The following ESCO2 variants were observed in gnomAD, a reference collection of about 807,000 sequenced individuals.
ESCO2 encodes the protein establishment of sister chromatid cohesion N-acetyltransferase 2, also known as N-acetyltransferase ESCO2.
In ESCO2, 51 loss-of-function variants were observed where a neutral mutation model predicts 61.7. That is an observed-to-expected ratio of 0.83 (90% CI 0.66 to 1.04). The LOEUF is 1.04. ESCO2 is among the 50% of genes least tolerant of loss of function. The pLI is 0.00. For missense variants in ESCO2, 692 were observed against 686.2 expected (o/e 1.01, Z -0.09); for synonymous variants, 230 against 238.2 (o/e 0.97, Z 0.32).
At chr8:27,801,549 TTGGTA>T (rs1468534863) in intron 10 of ESCO2, among the ~76,000 whole-genome samples, 2 of 152,152 alleles carry the variant, frequency 1.3e-5, no homozygotes, top group East Asian at 3.8e-4. Flanking sequence ...ATATATAAAT[TTGGTA>T]TGAGGAATAC....
chr8:27,795,883 T>C (rs1805285380), intron 9 of ESCO2, among the ~76,000 whole-genome samples: 1 of 152,206 alleles, frequency 6.6e-6, no homozygotes, highest in African/African-American at 2.4e-5. Flanking sequence ...CTAGTTTGCA[T>C]CTGTTTATCA....
downstream of ESCO2, among the ~76,000 whole-genome samples, chr8:27,813,565 A>T (rs184929131): frequency 0.013 from 1,978 of 151,232 alleles, 43 homozygotes; most frequent in African/African-American, 0.046. Context: ...ATATGTAAAC[A>T]CTGACCTCAT....
chr8:27,788,879 G>T lies in ESCO2; in HGVS notation c.1164G>T (p.Val388=). ...GTCAGAAACATTTTGGGGCTACTGTGTGCAAGTCTTGTGGTATGATATATA... is the reference window on the plus strand; with the variant it reads ...GTCAGAAACATTTTGGGGCTACTGTTTGCAAGTCTTGTGGTATGATATATA... ...DAGQKHFGAT[V]CKSCGMIYTA... The change falls in exon 7 of 11, where the codon GTG becomes GTT. Residue 388 remains valine (V), a synonymous_variant. Coordinates refer to ENST00000305188, the MANE Select transcript of ESCO2 (RefSeq NM_001017420.3). The T allele has an allele frequency of 4.3e-6, 7 of 1,614,126 alleles. No individual in the cohort carries two copies. The highest frequency in any genetic ancestry group is 5.9e-6 in the Non-Finnish European group (7 of 1,180,008).
At chr8:27,788,261 G>A (rs893381641) in intron 6 of ESCO2, among the ~76,000 whole-genome samples, 5 of 151,990 alleles carry the variant, frequency 3.3e-5, no homozygotes, top group African/African-American at 1.2e-4. Flanking sequence ...GCTGCTTAAG[G>A]AAAAATATTG....
chr8:27,786,076 A>T (rs1303033064), intron 5 of ESCO2, among the ~76,000 whole-genome samples: 1 of 152,220 alleles, frequency 6.6e-6, no homozygotes, highest in Non-Finnish European at 1.5e-5. Flanking sequence ...CAAAGGCTGC[A>T]TAAGGTGAAA....
chr8:27,775,977 C>G (rs1215007258), intron 2 of ESCO2, among the ~76,000 whole-genome samples: 3 of 152,150 alleles, frequency 2.0e-5, no homozygotes, highest in East Asian at 3.8e-4. Flanking sequence ...ATTAATTACT[C>G]TACCCAGGAA....
At chr8:27,807,949 C>T (rs1805595267), downstream of ESCO2, among the ~76,000 whole-genome samples, 1 of 152,082 alleles carries the variant, frequency 6.6e-6, no homozygotes, top group South Asian at 2.1e-4. Context: ...AAGGTGCCTT[C>T]TATGAGGATG....
chr8:27,793,497 C>CT (rs1458196502), intron 9 of ESCO2, among the ~76,000 whole-genome samples: 17 of 84,178 alleles, frequency 2.0e-4, no homozygotes, highest in African/African-American at 7.0e-4. Flanking sequence ...TTTTTTTTTT[C>CT]TTTTTTTGAG....
intron 10 of ESCO2, among the ~76,000 whole-genome samples, chr8:27,801,226 G>T (rs1223196845): frequency 2.6e-5 from 4 of 152,126 alleles, no homozygotes; most frequent in Non-Finnish European, 4.4e-5. Flanking sequence ...CCTAATCTAG[G>T]TTATATGGAT....
In ESCO2 at chr8:27,799,758, TAGCTTTCCCAG is replaced by T. The variant is rs754803598; in HGVS notation, c.1673+44_1673+54del. ...ATCTAGATCCAGAACCTTAGATTCA[TAGCTTTCCCAG>T]AACCTCTCGGCTTCTGAGCTAAAGG... On this transcript the variant is annotated intron_variant, in intron 10 of 10. Coordinates refer to ENST00000305188, the MANE Select transcript of ESCO2 (RefSeq NM_001017420.3). 9 of 1,609,936 alleles carry T rather than the reference TAGCTTTCCCAG, an allele frequency of 5.6e-6. No homozygotes were observed. The South Asian group carries it at 9.9e-5, about 18-fold the overall frequency.
In ESCO2 at chr8:27,775,570, G is replaced by C; in HGVS notation, c.53+3G>C. Reference sequence around the variant, plus strand: ...CAGGATTCTTTGAAGTGTGACAGGTGAATCTCAGCCTGTGAATAGAAACTC... The same window carrying C: ...CAGGATTCTTTGAAGTGTGACAGGTCAATCTCAGCCTGTGAATAGAAACTC... On this transcript the variant is annotated splice_donor_region_variant and intron_variant, in intron 2 of 10. Transcript: ENST00000305188. The C allele has an allele frequency of 6.2e-7, 1 of 1,613,778 alleles. No individual in the cohort carries two copies. The highest frequency in any genetic ancestry group is 8.5e-7 in the Non-Finnish European group (1 of 1,179,698).
In ESCO2 at chr8:27,802,631, ATATATATATATATATATATATATAT is replaced by A. The variant is rs1563482346; in HGVS notation, c.1674-656_1674-632del. On this transcript the variant is annotated intron_variant, in intron 10 of 10. Coordinates refer to ENST00000305188, the MANE Select transcript of ESCO2 (RefSeq NM_001017420.3). Reference sequence around the variant, plus strand: ...TCAAAAAAAAAAAAAAAAAAAAAAAATATATATATATATATATATATATATTATATATATATATATATAGTTACTG... The same window carrying A: ...TCAAAAAAAAAAAAAAAAAAAAAAAATATATATATATATATATAGTTACTG... Among the ~76,000 whole-genome samples, 34 of 38,748 alleles carry A rather than the reference ATATATATATATATATATATATATAT, an allele frequency of 8.8e-4. 1 individual carries two copies. Among genetic ancestry groups the A allele is most frequent in the South Asian group, 2.6e-3 (2 of 758 alleles). The allele number at this position is 38,748 out of a possible 152,430, so 25.4% of individuals were successfully genotyped here. A position where few individuals can be genotyped will look rare whatever the true frequency, so the allele number is the denominator to read the frequency against.
chr8:27,809,342 T>C (rs908957959), downstream of ESCO2, among the ~76,000 whole-genome samples: 4 of 152,362 alleles, frequency 2.6e-5, no homozygotes, highest in East Asian at 7.7e-4. Context: ...TTTCTAGGCA[T>C]TTTTAAAGTT....
At position 27,776,634 on chromosome 8, in the gene ESCO2, G is replaced by A. The variant is rs1804796917; in HGVS notation, c.326G>A (p.Cys109Tyr). 5.6e-6 allele frequency: 9 copies of A among 1,613,842 alleles called. No individual in the cohort carries two copies. The highest frequency in any genetic ancestry group is 6.8e-6 in the Non-Finnish European group (8 of 1,180,016). The change falls in exon 3 of 11, where the codon TGT (cysteine) becomes TAT (tyrosine). Residue 109 changes from cysteine (C) to tyrosine (Y), a missense_variant. Transcript: ENST00000305188. ...CTGATAAAAGAGAGTAGATCTACTT[G>A]TCTAAAAACTAATGATGAAGATAAA... is the stretch of plus-strand genomic sequence containing the variant. ...RKLIKESRST[C>Y]LKTNDEDKSF... is the part of the protein sequence containing the mutation.
chr8:27,813,332 G>A, downstream of ESCO2, among the ~76,000 whole-genome samples: 1 of 151,970 alleles, frequency 6.6e-6, no homozygotes, highest in Non-Finnish European at 1.5e-5. Context: ...GTAGGGGGGA[G>A]GGATAGCATT....
downstream of ESCO2, among the ~76,000 whole-genome samples, chr8:27,806,284 T>A (rs1805561772): frequency 6.6e-6 from 1 of 152,140 alleles, no homozygotes; most frequent in Non-Finnish European, 1.5e-5. Flanking sequence ...TTTCAGGCAT[T>A]CTACTGGGGG....
intron 8 of ESCO2, among the ~76,000 whole-genome samples, 162 bp downstream of exon 8, chr8:27,792,214 G>A (rs1460219232): frequency 6.6e-6 from 1 of 152,094 alleles, no homozygotes; most frequent in Non-Finnish European, 1.5e-5. Flanking sequence ...TAGGACAAAG[G>A]AGTAAAGAAG....
Position 27,799,942 on chromosome 8 carries a change from A to G in ESCO2, c.1673+226A>G, listed in dbSNP as rs35117969. On this transcript the variant is annotated intron_variant, in intron 10 of 10. Coordinates refer to ENST00000305188, the MANE Select transcript of ESCO2 (RefSeq NM_001017420.3). ...ATACTAGCCCACTGCTTTTCAAACT[A>G]CCTGTGCTAAAGGACTAGTTTAATT... Among the ~76,000 whole-genome samples the G allele has an allele frequency of 0.26, 39,402 of 150,896 alleles. 6,116 individuals carry two copies. The highest frequency in any genetic ancestry group is 0.36 in the Middle Eastern group (105 of 294).
chr8:27,788,902 A>T lies in ESCO2; in HGVS notation c.1187A>T (p.Tyr396Phe), dbSNP rs1448920606. The T allele has an allele frequency of 6.2e-7, 1 of 1,614,144 alleles. No individual in the cohort carries two copies. The highest frequency in any genetic ancestry group is 2.2e-5 in the East Asian group (1 of 44,876). Residue 396 changes from tyrosine to phenylalanine, a missense_variant, in exon 7 of 11, where the codon TAT becomes TTT. Coordinates refer to ENST00000305188, the MANE Select transcript of ESCO2 (RefSeq NM_001017420.3). ...GTGTGCAAGTCTTGTGGTATGATAT[A>T]TACTGCTTCCAACCCTGAAGATGAA... ...ATVCKSCGMI[Y>F]TASNPEDEMQ...
Sources: gnomAD v4.1 joint callset for allele counts (sites outside exome capture counted in the v4.1 genomes callset) on GRCh38, gnomAD v4.1.1 for gene constraint, MANE v1.5 for transcripts, NCBI Gene and HGNC (gene_info 2026-07-23, HGNC 2026-07-21) for gene names.